TSPAN13: variants seen among roughly 807,000 people sequenced by gnomAD.
TSPAN13 encodes the protein tetraspanin-13.
TSPAN13 carries 18 observed loss-of-function variants against 26.9 expected under a neutral mutation model. The ratio of observed to expected loss-of-function variants is 0.67; its 90% confidence interval spans 0.46 to 0.99. TSPAN13 has a LOEUF of 0.99. Ranked by LOEUF, TSPAN13 falls within the 50% of genes least tolerant of loss-of-function variation. TSPAN13 has a pLI of 0.00. For missense variants in TSPAN13, 201 were observed against 249.6 expected, an observed-to-expected ratio of 0.81 and a Z score of 1.31; for synonymous variants, 116 against 98.4, an observed-to-expected ratio of 1.18 and a Z score of -1.06.
chr7:16,765,148 G>T (rs1784591714), intron 1 of TSPAN13, among the ~76,000 whole-genome samples: 1 of 152,146 alleles, frequency 6.6e-6, no homozygotes, highest in African/African-American at 2.4e-5. Flanking sequence ...TGTTGCCCAG[G>T]CTGGAGTGCA....
Position 16,783,567 on chromosome 7 carries a change from C to G in TSPAN13, c.*76C>G, listed in dbSNP as rs1784838644. ...GTAATTTTCTGTTAAGCTCCATTTG[C>G]CAGTTTAAGGAAGGAAACACTATCT... On this transcript the variant is annotated 3_prime_UTR_variant, in exon 6 of 6. Transcript: ENST00000262067. 1 of 1,383,656 alleles carries G rather than the reference C, an allele frequency of 7.2e-7. No individual in the cohort carries two copies. Among genetic ancestry groups the G allele is most frequent in the African/African-American group, 1.4e-5 (1 of 70,594 alleles). The allele number at this position is 1,383,656 out of a possible 1,614,324, so 85.7% of individuals were successfully genotyped here.
At chr7:16,755,837 C>A (rs183819434) in intron 1 of TSPAN13, among the ~76,000 whole-genome samples, 1 of 151,906 alleles carries the variant, frequency 6.6e-6, no homozygotes, top group Non-Finnish European at 1.5e-5. Flanking sequence ...GAAAGTGAGG[C>A]GAAAGAAAGG....
intron 1 of TSPAN13, among the ~76,000 whole-genome samples, chr7:16,758,343 A>G (rs1286939276): frequency 6.6e-6 from 1 of 152,196 alleles, no homozygotes; most frequent in African/African-American, 2.4e-5. Context: ...CTAGACAAAC[A>G]GCTTACTTTG....
At chr7:16,761,690 A>ATTTTTTTTT (rs35451307) in intron 1 of TSPAN13, among the ~76,000 whole-genome samples, 5 of 93,318 alleles carry the variant, frequency 5.4e-5, no homozygotes, top group East Asian at 3.1e-4. Flanking sequence ...CAGCTAATTA[A>ATTTTTTTTT]TTTTTTTTTT....
rs1287498512 is a variant in TSPAN13, at chr7:16,768,696, TTAA to T, written c.64-7509_64-7507del. Among the ~76,000 whole-genome samples the T allele has an allele frequency of 5.3e-5, 8 of 152,254 alleles. No individual in the cohort carries two copies. In the East Asian group the frequency reaches 7.7e-4, roughly 15 times the overall value. On this transcript the variant is annotated intron_variant, in intron 1 of 5. Coordinates refer to ENST00000262067, the MANE Select transcript of TSPAN13 (RefSeq NM_014399.4). ...TAGAGTTTATGGTTTGAGGTAGGGATTAATAATATCAGTTTTCAAAATGAGAAG... is the reference window on the plus strand; with the variant it reads ...TAGAGTTTATGGTTTGAGGTAGGGATTAATATCAGTTTTCAAAATGAGAAG...
intron 1 of TSPAN13, among the ~76,000 whole-genome samples, chr7:16,761,477 C>T (rs980998126): frequency 3.3e-5 from 5 of 152,204 alleles, no homozygotes; most frequent in Admixed American, 6.5e-5. Context: ...TGTAATTCCT[C>T]ATTATGAATG....
intron 1 of TSPAN13, among the ~76,000 whole-genome samples, chr7:16,757,025 C>G (rs1784487820): frequency 6.6e-6 from 1 of 152,046 alleles, no homozygotes; most frequent in African/African-American, 2.4e-5. Context: ...CTTTTGAGAA[C>G]TGTGGGAAAT....
chr7:16,774,840 CT>C (rs1290305891), intron 1 of TSPAN13, among the ~76,000 whole-genome samples: 1 of 151,994 alleles, frequency 6.6e-6, no homozygotes, highest in Non-Finnish European at 1.5e-5. Context: ...AGTTTTGTCT[CT>C]TTGGCAAAAA....
intron 1 of TSPAN13, among the ~76,000 whole-genome samples, chr7:16,765,732 T>G (rs1056326797): frequency 6.6e-6 from 1 of 152,224 alleles, no homozygotes; most frequent in African/African-American, 2.4e-5. Context: ...ACATAATTCC[T>G]TTTTATCAGC....
intron 1 of TSPAN13, among the ~76,000 whole-genome samples, chr7:16,774,609 A>C (rs991394643): frequency 2.0e-5 from 3 of 152,226 alleles, no homozygotes; most frequent in African/African-American, 7.2e-5. Flanking sequence ...GAGTATGATA[A>C]AATGAAACAG....
At chr7:16,759,699 CT>C (rs59571826) in intron 1 of TSPAN13, among the ~76,000 whole-genome samples, 2,545 of 132,402 alleles carry the variant, frequency 0.019, 21 homozygotes, top group African/African-American at 0.042. Context: ...TTCTTTCTTT[CT>C]TTTTTTTTTT....
At chr7:16,775,561 T>G (rs1257466803) in intron 1 of TSPAN13, among the ~76,000 whole-genome samples, 1 of 152,220 alleles carries the variant, frequency 6.6e-6, no homozygotes, top group Non-Finnish European at 1.5e-5. Context: ...TGAGCAGTTT[T>G]TGAGTATTCC....
intron 4 of TSPAN13, 116 bp from the exon 5 acceptor site, chr7:16,778,887 C>T (rs1784784160): frequency 2.9e-6 from 2 of 697,474 alleles, no homozygotes; most frequent in South Asian, 4.1e-5. Flanking sequence ...ACTAAAAAAC[C>T]AAGGCCTCAA....
intron 5 of TSPAN13, among the ~76,000 whole-genome samples, chr7:16,783,007 G>A (rs1406673897): frequency 1.3e-5 from 2 of 152,068 alleles, no homozygotes; most frequent in African/African-American, 4.8e-5. Context: ...TGCCATCACG[G>A]TGTCTTCTCT....
chr7:16,778,789 G>C (rs560342387), intron 4 of TSPAN13, among the ~76,000 whole-genome samples: 1 of 152,236 alleles, frequency 6.6e-6, no homozygotes, highest in Admixed American at 6.5e-5. Flanking sequence ...CAAGTTCCAC[G>C]CATACTCAAG....
intron 1 of TSPAN13, among the ~76,000 whole-genome samples, chr7:16,773,174 C>A (rs900414834): frequency 6.9e-6 from 1 of 145,698 alleles, no homozygotes; most frequent in Non-Finnish European, 1.5e-5. Context: ...TGGGGGGGGG[C>A]GGTTAGCAAT....
chr7:16,758,789 T>G (rs1583785850), intron 1 of TSPAN13, among the ~76,000 whole-genome samples: 1 of 152,030 alleles, frequency 6.6e-6, no homozygotes, highest in South Asian at 2.1e-4. Context: ...CTTTCAAACG[T>G]GTCTGTGGGT....
chr7:16,774,922 T>TCTCTACA (rs1410955712), intron 1 of TSPAN13, among the ~76,000 whole-genome samples: 4 of 152,328 alleles, frequency 2.6e-5, no homozygotes, highest in Non-Finnish European at 5.9e-5. Flanking sequence ...TCTCTACATA[T>TCTCTACA]GTAAGGTTTA....
intron 1 of TSPAN13, among the ~76,000 whole-genome samples, chr7:16,769,070 C>T (rs937182982): frequency 2.0e-5 from 3 of 152,126 alleles, no homozygotes; most frequent in African/African-American, 7.2e-5. Flanking sequence ...AAGTGATCAT[C>T]CCGCCTTGGC....
Sources: allele counts gnomAD v4.1 joint callset (sites outside exome capture counted in the v4.1 genomes callset), GRCh38; gene constraint gnomAD v4.1.1; transcripts MANE v1.5; gene names NCBI Gene and HGNC (gene_info 2026-07-23, HGNC 2026-07-21).